The following ROPN1 variants were observed in gnomAD, a reference collection of about 807,000 sequenced individuals.
ROPN1 encodes rhophilin associated tail protein 1, also known as ropporin-1A.
Under a neutral mutation model 20.5 loss-of-function variants are expected in ROPN1, and 14 were observed. The observed-to-expected ratio is 0.68, with a 90% CI of 0.45 to 1.07. The LOEUF (loss-of-function observed/expected upper bound fraction) is 1.07, where lower values mean the gene tolerates loss of function less well. ROPN1 is among the 50% of genes least tolerant of loss of function. The pLI is 0.00. For missense variants in ROPN1, 169 were observed against 242.8 expected, an observed-to-expected ratio of 0.70 and a Z score of 2.02; for synonymous variants, 76 against 95.7, an observed-to-expected ratio of 0.79 and a Z score of 1.20.
chr3:123,987,025 C>T (rs2038276435), intron 1 of ROPN1, among the ~76,000 whole-genome samples: 1 of 152,232 alleles, frequency 6.6e-6, no homozygotes, highest in African/African-American at 2.4e-5. Flanking sequence ...AACAGTTCCC[C>T]TACAGCTAAA....
chr3:123,987,346 C>A (rs572551503), intron 1 of ROPN1, among the ~76,000 whole-genome samples: 1 of 152,194 alleles, frequency 6.6e-6, no homozygotes, highest in African/African-American at 2.4e-5. Context: ...GCTTTCTCCC[C>A]CTTCAGCCAA....
rs189333316 is a variant in ROPN1 at position 123,970,548 on chromosome 3, A to T, written c.397-331T>A. Among the ~76,000 whole-genome samples, 5 of 152,304 alleles carry T rather than the reference A, an allele frequency of 3.3e-5. No homozygotes were observed. In the South Asian group the frequency reaches 8.3e-4, roughly 25 times the overall value. On this transcript the variant is annotated intron_variant, in intron 4 of 5. Transcript: ENST00000405845. ...GGGAAGTTGATTTGCATTCTATATA[A>T]TTAGAATTATTTCTTCTTATTACCC...
chr3:123,972,048 C>A (rs1190722013), intron 4 of ROPN1, among the ~76,000 whole-genome samples: 2 of 152,154 alleles, frequency 1.3e-5, no homozygotes, highest in Non-Finnish European at 2.9e-5. Flanking sequence ...GGAGAAATGC[C>A]TCAGAAGAAA....
rs1361058522 is a variant in ROPN1, at chr3:123,981,105, C to CT, written c.-12-613_-12-612insA. ...CAAAAAGTTCCAGGACAAATTGAAA[C>CT]AAAATATGAAAATCCATAAAGTGTA... On this transcript the variant is annotated intron_variant, in intron 1 of 5. Transcript: ENST00000405845. 3.3e-5 allele frequency among the ~76,000 whole-genome samples: 5 copies of CT among 152,222 alleles called. No individual in the cohort carries two copies. In the South Asian group the frequency reaches 1.0e-3, roughly 32 times the overall value.
At position 123,972,833 on chromosome 3, in the gene ROPN1, C is replaced by T. The variant is rs142818412; in HGVS notation, c.396+2546G>A. Among the ~76,000 whole-genome samples, 367 of 152,330 alleles carry T rather than the reference C, an allele frequency of 2.4e-3. 1 individual carries two copies. Among genetic ancestry groups the T allele is most frequent in the African/African-American group, 8.2e-3 (342 of 41,558 alleles). Reference sequence around the variant, plus strand: ...ATTAACTAGGATGCAAGGTCTCCACCAGATGGTGACCCCTGACTTAGTCTC... The same window carrying T: ...ATTAACTAGGATGCAAGGTCTCCACTAGATGGTGACCCCTGACTTAGTCTC... On this transcript the variant is annotated intron_variant, in intron 4 of 5. Coordinates refer to ENST00000405845, the MANE Select transcript of ROPN1 (RefSeq NM_001317774.2).
intron 2 of ROPN1, chr3:123,978,947 T>G (rs1338905686): frequency 2.5e-5 from 4 of 160,170 alleles, no homozygotes; most frequent in African/African-American, 9.6e-5. Context: ...CTAAGCAATG[T>G]CAGTTTGCTT....
chr3:123,976,891 A>G lies in ROPN1; in HGVS notation c.207T>C (p.Pro69=). The change falls in exon 3 of 6, where the codon CCT becomes CCC. Residue 69 remains proline (P), a synonymous_variant. Transcript: ENST00000405845. Reference sequence around the variant, plus strand: ...GAGAATGCAGGATCTTTAACAGCTCAGGTGTTAGCTCTGCCCGGTTACACA... The same window carrying G: ...GAGAATGCAGGATCTTTAACAGCTCGGGTGTTAGCTCTGCCCGGTTACACA... The part of the protein sequence containing the change: ...VALCNRAELT[P]ELLKILHSQV... 2 of 1,555,008 alleles carry G rather than the reference A, an allele frequency of 1.3e-6. No homozygotes were observed. Among genetic ancestry groups the G allele is most frequent in the East Asian group, 2.5e-5 (1 of 40,184 alleles).
intron 1 of ROPN1, among the ~76,000 whole-genome samples, chr3:123,990,962 C>T (rs2038394670): frequency 6.6e-6 from 1 of 152,188 alleles, no homozygotes; most frequent in African/African-American, 2.4e-5. Context: ...GGCAGAATCT[C>T]AGAGGGTTTC....
chr3:123,990,572 C>T (rs2038384377), intron 1 of ROPN1, among the ~76,000 whole-genome samples: 1 of 152,180 alleles, frequency 6.6e-6, no homozygotes, highest in Non-Finnish European at 1.5e-5. Flanking sequence ...TGCCTTTGGG[C>T]AATAAGGGTC....
At chr3:123,981,672 C>T (rs1479595280) in intron 1 of ROPN1, among the ~76,000 whole-genome samples, 1 of 152,178 alleles carries the variant, frequency 6.6e-6, no homozygotes, top group East Asian at 1.9e-4. Flanking sequence ...TCTAAGTTTT[C>T]AATTTATGCC....
At chr3:123,969,737 G>T (rs552053725) in intron 5 of ROPN1, among the ~76,000 whole-genome samples, 5 of 152,194 alleles carry the variant, frequency 3.3e-5, no homozygotes, top group Non-Finnish European at 5.9e-5. Flanking sequence ...CTGGGCTCTG[G>T]CCCTAGAGTT....
chr3:123,971,662 A>G (rs1323292092), intron 4 of ROPN1, among the ~76,000 whole-genome samples: 1 of 152,178 alleles, frequency 6.6e-6, no homozygotes, highest in African/African-American at 2.4e-5. Flanking sequence ...AGATGAGGTC[A>G]GTGGGAGAAT....
In ROPN1 at chr3:123,970,171, T is replaced by G. The variant is rs778255639; in HGVS notation, c.443A>C (p.Asp148Ala). The G allele has an allele frequency of 3.7e-6, 6 of 1,613,994 alleles. No homozygotes were observed. Among genetic ancestry groups the G allele is most frequent in the Admixed American group, 3.3e-5 (2 of 60,004 alleles). The change falls in exon 5 of 6, where the codon GAC becomes GCC. Residue 148 changes from aspartate (D) to alanine (A), a missense_variant. Physicochemically the swap from Asp to Ala is moderately radical, Grantham distance 126. Coordinates refer to ENST00000405845, the MANE Select transcript of ROPN1 (RefSeq NM_001317774.2). ...LKIVCEVLSC[D>A]HNGGSPRIPF... ...GATCCGGGGCGACCCACCATTATGG[T>G]CACATGATAAGACCTCACACACTAT...
intron 1 of ROPN1, 58 bp from the exon 2 acceptor site, chr3:123,980,551 C>A: frequency 6.6e-7 from 1 of 1,505,604 alleles, no homozygotes; most frequent in Non-Finnish European, 9.1e-7. Flanking sequence ...ACGATGAGAG[C>A]AATCCTGGAC....
chr3:123,979,736 C>T (rs2038098623), intron 2 of ROPN1: 1 of 378,112 alleles, frequency 2.6e-6, no homozygotes, highest in Non-Finnish European at 5.2e-6. Context: ...GCAGTGTGTA[C>T]TGTGCGGACA....
At chr3:123,983,456 C>T (rs182677550) in intron 1 of ROPN1, among the ~76,000 whole-genome samples, 19 of 152,282 alleles carry the variant, frequency 1.2e-4, no homozygotes, top group African/African-American at 2.9e-4. Context: ...CTCGTGTAAA[C>T]GAAAAGATGC....
chr3:123,969,350 G>A lies in ROPN1; in HGVS notation c.573-129C>T, dbSNP rs1333588093. 3 of 830,558 alleles carry A rather than the reference G, an allele frequency of 3.6e-6. No individual in the cohort carries two copies. The Admixed American group carries it at 7.3e-5, about 20-fold the overall frequency. 51.4% of individuals were successfully genotyped at this position (830,558 alleles called of 1,614,324 possible). On this transcript the variant is annotated intron_variant, in intron 5 of 5. Coordinates refer to ENST00000405845, the MANE Select transcript of ROPN1 (RefSeq NM_001317774.2). ...TTTTTCTCTTTTTTTGTTTTGTTTT[G>A]TTTTCTGAGACAGGGTCTGGCTCTG...
intron 1 of ROPN1, 81 bp from the exon 2 acceptor site, chr3:123,980,574 AG>A (rs2148996605): frequency 1.5e-6 from 2 of 1,327,748 alleles, no homozygotes; most frequent in Non-Finnish European, 2.1e-6. Flanking sequence ...GAGGTCACCC[AG>A]CCTCTGTTTG....
At chr3:123,977,085 G>A in intron 2 of ROPN1, 104 bp from the exon 3 acceptor site, 4 of 1,256,022 alleles carry the variant, frequency 3.2e-6, no homozygotes, top group South Asian at 1.6e-5. Flanking sequence ...GGTAGAGAAA[G>A]GAACCTTTGT....
Sources: allele counts gnomAD v4.1 joint callset (sites outside exome capture counted in the v4.1 genomes callset), GRCh38; gene constraint gnomAD v4.1.1; transcripts MANE v1.5; gene names NCBI Gene and HGNC (gene_info 2026-07-23, HGNC 2026-07-21).